The following ABHD13 variants were observed in gnomAD, a reference collection of about 807,000 sequenced individuals.
ABHD13 encodes protein ABHD13.
In ABHD13, 7 loss-of-function variants were observed where a neutral mutation model predicts 25.2. That is an observed-to-expected ratio of 0.28 (90% CI 0.16 to 0.52). The LOEUF (loss-of-function observed/expected upper bound fraction) is 0.52, where lower values mean the gene tolerates loss of function less well. ABHD13 is among the 20% of genes least tolerant of loss of function. The pLI, the probability that ABHD13 is intolerant of heterozygous loss-of-function variation, is 0.96. For synonymous variants in ABHD13, 133 were observed against 136.1 expected (o/e 0.98, Z 0.16); for missense variants, 302 against 402.7 (o/e 0.75, Z 2.14).
intron 1 of ABHD13, among the ~76,000 whole-genome samples, chr13:108,228,725 T>A (rs1879724338): frequency 6.6e-6 from 1 of 151,910 alleles, no homozygotes; most frequent in Non-Finnish European, 1.5e-5. Context: ...AACTGCCTTT[T>A]CAGTACAGTT....
At position 108,232,393 on chromosome 13, in the gene ABHD13, G is replaced by A. The variant is rs1219081070; in HGVS notation, c.*2161G>A. On this transcript the variant is annotated 3_prime_UTR_variant, in exon 2 of 2. Transcript: ENST00000375898. ...GCTAAGGGCAGAGGCTGTGCCTAGG[G>A]CTATACCACCACTAGCATCTGTATT... 1 of 166,886 alleles carries A rather than the reference G, an allele frequency of 6.0e-6. No homozygotes were observed. The highest frequency in any genetic ancestry group is 1.5e-5 in the Non-Finnish European group (1 of 68,024). The allele number at this position is 166,886 out of a possible 1,614,324, so 10.3% of individuals were successfully genotyped here.
intron 1 of ABHD13, among the ~76,000 whole-genome samples, chr13:108,219,018 A>G (rs555241267): frequency 7.4e-4 from 113 of 152,242 alleles, no homozygotes; most frequent in African/African-American, 2.7e-3. Flanking sequence ...TTAGTGTTCT[A>G]TGTCAATTGT....
rs986281190 is a variant in ABHD13, at chr13:108,234,155, ATT to A, written c.*3925_*3926del. 1 of 166,922 alleles carries A rather than the reference ATT, an allele frequency of 6.0e-6. No individual in the cohort carries two copies. The highest frequency in any genetic ancestry group is 2.4e-5 in the African/African-American group (1 of 41,444). The allele number at this position is 166,922 out of a possible 1,614,324, so 10.3% of individuals were successfully genotyped here. A position where few individuals can be genotyped will look rare whatever the true frequency, so the allele number is the denominator to read the frequency against. On this transcript the variant is annotated 3_prime_UTR_variant, in exon 2 of 2. Coordinates refer to ENST00000375898, the MANE Select transcript of ABHD13 (RefSeq NM_032859.3). The stretch of plus-strand genomic sequence containing the variant: ...CTAACCATGGCAAGCAAACATTTAC[ATT>A]TGTTTTTTACAATAAATTTCTTTTA...
In ABHD13 at chr13:108,218,445, G is replaced by A. The variant is rs1461523435; in HGVS notation, c.-235G>A. The A allele has an allele frequency of 1.3e-5, 2 of 152,250 alleles. No individual in the cohort carries two copies. The highest frequency in any genetic ancestry group is 6.5e-5 in the Admixed American group (1 of 15,288). The allele number at this position is 152,250 out of a possible 1,614,324, so 9.4% of individuals were successfully genotyped here. A position where few individuals can be genotyped will look rare whatever the true frequency, so the allele number is the denominator to read the frequency against. The stretch of plus-strand genomic sequence containing the variant: ...CGGAGACGGAGAACAGGTTATGTGG[G>A]AGCCGGCGGGGGCATTTGCCGGCGA... On this transcript the variant is annotated 5_prime_UTR_variant, in exon 1 of 2. Transcript: ENST00000375898.
At position 108,230,130 on chromosome 13, in the gene ABHD13, C is replaced by T; in HGVS notation, c.912C>T (p.Cys304=). The change falls in exon 2 of 2, where the codon TGC becomes TGT. Residue 304 remains cysteine, a synonymous_variant. Transcript: ENST00000375898. The part of the protein sequence containing the change: ...PDGTHNDTWQ[C]QGYFTALEQF... ...GGACTCACAATGACACATGGCAGTGCCAAGGCTATTTCACTGCACTTGAAC... is the reference window on the plus strand; with the variant it reads ...GGACTCACAATGACACATGGCAGTGTCAAGGCTATTTCACTGCACTTGAAC... 6.2e-7 allele frequency: 1 copy of T among 1,612,972 alleles called. No homozygotes were observed. The highest frequency in any genetic ancestry group is 8.5e-7 in the Non-Finnish European group (1 of 1,179,240).
rs563973297 is a variant in ABHD13 at position 108,231,566 on chromosome 13, A to G, written c.*1334A>G. 4.2e-5 allele frequency: 7 copies of G among 166,948 alleles called. No individual in the cohort carries two copies. In the South Asian group the frequency reaches 1.2e-3, roughly 30 times the overall value. 10.3% of individuals were successfully genotyped at this position (166,948 alleles called of 1,614,324 possible). ...AACTTGCAGGATTTACTTAATAAAAATACACGCTATGAGTCATAATTGTGC... is the reference window on the plus strand; with the variant it reads ...AACTTGCAGGATTTACTTAATAAAAGTACACGCTATGAGTCATAATTGTGC... On this transcript the variant is annotated 3_prime_UTR_variant, in exon 2 of 2. Transcript: ENST00000375898.
chr13:108,230,622 G>A lies in ABHD13; in HGVS notation c.*390G>A. The A allele has an allele frequency of 5.8e-6, 1 of 172,284 alleles. No homozygotes were observed. Among genetic ancestry groups the A allele is most frequent in the Non-Finnish European group, 1.4e-5 (1 of 71,626 alleles). The allele number at this position is 172,284 out of a possible 1,614,324, so 10.7% of individuals were successfully genotyped here. A position where few individuals can be genotyped will look rare whatever the true frequency, so the allele number is the denominator to read the frequency against. ...CTTAAGTAAATATTGGGACAATCAT[G>A]GTAAGCAAACTTAGTTCTGTAACTG... On this transcript the variant is annotated 3_prime_UTR_variant, in exon 2 of 2. Transcript: ENST00000375898.
chr13:108,219,500 A>T (rs1879497917), intron 1 of ABHD13, among the ~76,000 whole-genome samples: 1 of 152,190 alleles, frequency 6.6e-6, no homozygotes, highest in African/African-American at 2.4e-5. Flanking sequence ...ATGCATGCTT[A>T]GGGAAATCAC....
At chr13:108,221,654 A>G (rs1182806701) in intron 1 of ABHD13, among the ~76,000 whole-genome samples, 1 of 152,200 alleles carries the variant, frequency 6.6e-6, no homozygotes, top group Non-Finnish European at 1.5e-5. Context: ...AGATCTTTAA[A>G]GAAATAATAG....
At chr13:108,219,583 C>T (rs1879502649) in intron 1 of ABHD13, among the ~76,000 whole-genome samples, 1 of 152,188 alleles carries the variant, frequency 6.6e-6, no homozygotes. Context: ...GTGTTAATGT[C>T]ATGATATCCT....
In ABHD13 at chr13:108,229,554, C is replaced by T. The variant is rs1879749259; in HGVS notation, c.336C>T (p.Pro112=). The T allele has an allele frequency of 1.2e-6, 2 of 1,613,220 alleles. No homozygotes were observed. Among genetic ancestry groups the T allele is most frequent in the African/African-American group, 1.3e-5 (1 of 74,868 alleles). ...TACGATACACTGGAGACAATTCACC[C>T]TATTCCCCAACTATAATTTATTTTC... ...ILIRYTGDNS[P]YSPTIIYFHG... Residue 112 remains proline (P), a synonymous_variant, in exon 2 of 2, where the codon CCC becomes CCT. Transcript: ENST00000375898. The surrounding 1 kb of genome is among the most constrained non-coding windows in gnomAD (Gnocchi z 4.7).
At chr13:108,221,576 T>A (rs1594487871) in intron 1 of ABHD13, among the ~76,000 whole-genome samples, 1 of 152,336 alleles carries the variant, frequency 6.6e-6, no homozygotes, top group East Asian at 1.9e-4. Context: ...ACATTTTTTT[T>A]AAATGTATGA....
rs546488209 is a variant in ABHD13, at chr13:108,232,828, C to G, written c.*2596C>G. The G allele has an allele frequency of 2.4e-5, 4 of 166,654 alleles. No individual in the cohort carries two copies. The South Asian group carries it at 8.3e-4, about 35-fold the overall frequency. 10.3% of individuals were successfully genotyped at this position (166,654 alleles called of 1,614,324 possible). The stretch of plus-strand genomic sequence containing the variant: ...GTGAAAAAGAAATATAAAAAGGACC[C>G]TAAAAAGAATTCTGCAAAATAAGAG... On this transcript the variant is annotated 3_prime_UTR_variant, in exon 2 of 2. Transcript: ENST00000375898.
chr13:108,220,425 T>C (rs1019702907), intron 1 of ABHD13, among the ~76,000 whole-genome samples: 2 of 152,204 alleles, frequency 1.3e-5, no homozygotes, highest in South Asian at 2.1e-4. Flanking sequence ...TCATAACTTA[T>C]CTCAGGGGAA....
At chr13:108,221,788 A>G (rs1594487975) in intron 1 of ABHD13, among the ~76,000 whole-genome samples, 3 of 151,520 alleles carry the variant, frequency 2.0e-5, no homozygotes, top group East Asian at 3.9e-4. Context: ...TTAAAAGACC[A>G]TTTGCTGGTG....
rs1467641735 is a variant in ABHD13 at position 108,229,633 on chromosome 13, G to A, written c.415G>A (p.Val139Ile). ...GTTGCCAAATGCATTACTTATGTTG[G>A]TTAACCTCAAAGTTAACCTTTTGCT... Reference protein sequence around the residue: ...HRLPNALLMLVNLKVNLLLVD... With the variant: ...HRLPNALLMLINLKVNLLLVD... The change falls in exon 2 of 2, where the codon GTT becomes ATT. Residue 139 changes from valine (V) to isoleucine (I), a missense_variant. By Grantham distance (29) the Val-to-Ile change is conservative. Coordinates refer to ENST00000375898, the MANE Select transcript of ABHD13 (RefSeq NM_032859.3). The surrounding 1 kb of genome is among the most constrained non-coding windows in gnomAD (Gnocchi z 4.7). 1 of 1,613,182 alleles carries A rather than the reference G, an allele frequency of 6.2e-7. No individual in the cohort carries two copies. The highest frequency in any genetic ancestry group is 1.3e-5 in the African/African-American group (1 of 74,878).
At chr13:108,226,830 C>A (rs537775184) in intron 1 of ABHD13, among the ~76,000 whole-genome samples, 2 of 152,058 alleles carry the variant, frequency 1.3e-5, no homozygotes, top group Admixed American at 6.6e-5. Flanking sequence ...TTTAAGATCA[C>A]CTTTGAGATG....
At chr13:108,228,193 A>G (rs1015858353) in intron 1 of ABHD13, among the ~76,000 whole-genome samples, 2 of 144,912 alleles carry the variant, frequency 1.4e-5, no homozygotes, top group African/African-American at 5.2e-5. Flanking sequence ...TTCTCTTTTA[A>G]TAGTTTTTAC....
intron 1 of ABHD13, among the ~76,000 whole-genome samples, chr13:108,219,967 C>T (rs1003328012): frequency 6.6e-6 from 1 of 152,134 alleles, no homozygotes; most frequent in Non-Finnish European, 1.5e-5. Context: ...TTCTAGTTGT[C>T]CTTACTTTCA....
Sources: gnomAD v4.1 joint callset for allele counts (sites outside exome capture counted in the v4.1 genomes callset) on GRCh38, gnomAD v4.1.1 for gene constraint, Gnocchi (gnomAD v3.1) non-coding constraint, MANE v1.5 for transcripts, NCBI Gene and HGNC (gene_info 2026-07-23, HGNC 2026-07-21) for gene names.